ADCY1: variants seen among roughly 807,000 people sequenced by gnomAD.
The protein encoded by ADCY1 is adenylate cyclase 1.
ADCY1 carries 28 observed loss-of-function variants against 105.4 expected under a neutral mutation model. The ratio of observed to expected loss-of-function variants is 0.27; its 90% CI spans 0.20 to 0.36. ADCY1 has a LOEUF of 0.36. Ranked by LOEUF, ADCY1 falls within the 10% of genes least tolerant of loss-of-function variation. The pLI is 1.00. For missense variants in ADCY1, 977 were observed against 1,434.2 expected (o/e 0.68, Z 5.15); for synonymous variants, 655 against 623.8 (o/e 1.05, Z -0.75).
intron 14 of ADCY1, among the ~76,000 whole-genome samples, chr7:45,694,280 T>A (rs1335604556): frequency 6.6e-6 from 1 of 152,166 alleles, no homozygotes; most frequent in Non-Finnish European, 1.5e-5. Flanking sequence ...TCATACAAAG[T>A]ATGTTCCTTA....
At chr7:45,669,477 G>A (rs572456075) in intron 8 of ADCY1, among the ~76,000 whole-genome samples, 2 of 152,258 alleles carry the variant, frequency 1.3e-5, no homozygotes, top group South Asian at 2.1e-4. Flanking sequence ...TAGTTTGATT[G>A]CACTGTGGTC....
rs1459334472 is a variant in ADCY1, at chr7:45,574,726, G to A, written c.183G>A (p.Thr61=). ...GYTLRLEQAA[T]LKALAVLSLL... ...CGCTGCGGCTGGAGCAGGCGGCCAC[G>A]CTGAAGGCGCTGGCCGTTCTCAGCC... Residue 61 remains threonine, a synonymous_variant, in exon 1 of 20, where the codon ACG becomes ACA. Coordinates refer to ENST00000297323, the MANE Select transcript of ADCY1 (RefSeq NM_021116.4). The surrounding 1 kb of genome is among the most constrained non-coding windows in gnomAD (Gnocchi z 7.0). 1.4e-6 allele frequency: 2 copies of A among 1,414,182 alleles called. No homozygotes were observed. The allele number at this position is 1,414,182 out of a possible 1,614,324, so 87.6% of individuals were successfully genotyped here. A position where few individuals can be genotyped will look rare whatever the true frequency, so the allele number is the denominator to read the frequency against.
In ADCY1 at chr7:45,610,596, A is replaced by T. The variant is rs1584267778; in HGVS notation, c.908+99A>T. ...AGGTGATGACAGAAGTGGGGAAGGGATGGATGGAGGTGGGGAAAGAATGGG... is the reference window on the plus strand; with the variant it reads ...AGGTGATGACAGAAGTGGGGAAGGGTTGGATGGAGGTGGGGAAAGAATGGG... On this transcript the variant is annotated intron_variant, in intron 3 of 19. Transcript: ENST00000297323. 1.2e-5 allele frequency: 12 copies of T among 996,822 alleles called. 1 individual carries two copies. The East Asian group carries it at 2.4e-4, about 20-fold the overall frequency. The allele number at this position is 996,822 out of a possible 1,614,324, so 61.7% of individuals were successfully genotyped here.
At chr7:45,706,425 G>A (rs1441161351) in intron 17 of ADCY1, among the ~76,000 whole-genome samples, 2 of 134,944 alleles carry the variant, frequency 1.5e-5, no homozygotes, top group Non-Finnish European at 1.5e-5. Context: ...CAAAGGAGCA[G>A]TAGCAATACC....
intron 2 of ADCY1, among the ~76,000 whole-genome samples, chr7:45,597,191 C>T (rs972682100): frequency 6.6e-6 from 1 of 152,294 alleles, no homozygotes; most frequent in East Asian, 1.9e-4. Context: ...CTCATCCTGT[C>T]CCAGCTGAAC....
chr7:45,681,568 T>A (rs989752058), intron 11 of ADCY1, among the ~76,000 whole-genome samples: 1 of 152,314 alleles, frequency 6.6e-6, no homozygotes, highest in Admixed American at 6.5e-5. Flanking sequence ...GGAGACTAAG[T>A]GCCCAGACTT....
At chr7:45,656,176 G>A (rs572067676) in intron 5 of ADCY1, among the ~76,000 whole-genome samples, 50 of 152,020 alleles carry the variant, frequency 3.3e-4, no homozygotes, top group East Asian at 7.8e-4. Flanking sequence ...GGTGGTGGGC[G>A]CCTGTAGTCC....
At chr7:45,645,856 C>A (rs1384106901) in intron 4 of ADCY1, among the ~76,000 whole-genome samples, 3 of 152,064 alleles carry the variant, frequency 2.0e-5, no homozygotes, top group Non-Finnish European at 4.4e-5. Context: ...GTTCCAGCAG[C>A]CAGTGGGCAT....
At chr7:45,599,769 G>A (rs1476383753) in intron 2 of ADCY1, among the ~76,000 whole-genome samples, 2 of 152,012 alleles carry the variant, frequency 1.3e-5, no homozygotes, top group African/African-American at 4.8e-5. Context: ...TGGAATTACG[G>A]GCATGTGCCA....
intron 4 of ADCY1, among the ~76,000 whole-genome samples, chr7:45,644,424 C>G (rs1314075295): frequency 6.6e-6 from 1 of 152,236 alleles, no homozygotes; most frequent in African/African-American, 2.4e-5. Flanking sequence ...TGGCTGCCTG[C>G]TCAGTCAAGG....
At chr7:45,653,710 G>T (rs1481642553) in intron 5 of ADCY1, among the ~76,000 whole-genome samples, 3 of 152,184 alleles carry the variant, frequency 2.0e-5, no homozygotes, top group Non-Finnish European at 4.4e-5. Flanking sequence ...TTTGCTCTGT[G>T]TGAGGTCTGT....
At chr7:45,711,943 A>ATATATAAATATAT (rs561008590) in intron 19 of ADCY1, among the ~76,000 whole-genome samples, 2 of 58,472 alleles carry the variant, frequency 3.4e-5, no homozygotes, top group South Asian at 7.5e-4. Flanking sequence ...AAATATATAA[A>ATATATAAATATAT]TACATATTAT....
At chr7:45,699,328 C>T (rs564215818) in intron 14 of ADCY1, among the ~76,000 whole-genome samples, 54 of 152,296 alleles carry the variant, frequency 3.5e-4, no homozygotes, top group Admixed American at 5.9e-4. Flanking sequence ...TTTCATTCAA[C>T]GTATGTTGTC....
intron 2 of ADCY1, among the ~76,000 whole-genome samples, chr7:45,599,391 G>A (rs1192911660): frequency 1.3e-5 from 2 of 151,276 alleles, no homozygotes; most frequent in East Asian, 3.9e-4. Flanking sequence ...CTCTCCAGGA[G>A]CACTACATTG....
intron 8 of ADCY1, among the ~76,000 whole-genome samples, chr7:45,663,361 C>A (rs995407619): frequency 2.0e-5 from 3 of 152,208 alleles, no homozygotes; most frequent in African/African-American, 7.2e-5. Flanking sequence ...GAATGTCTTA[C>A]AAAGGCTCTT....
At position 45,658,022 on chromosome 7, in the gene ADCY1, C is replaced by T; in HGVS notation, c.1307+137C>T. ...TGCTCCTGGAGGAGCCTGCCTGTCC[C>T]AGCCGCACCTGCCAACCAGACTCCC... On this transcript the variant is annotated intron_variant, in intron 6 of 19. Transcript: ENST00000297323. 2.9e-6 allele frequency: 3 copies of T among 1,027,594 alleles called. No homozygotes were observed. The South Asian group carries it at 4.8e-5, about 17-fold the overall frequency. The allele number at this position is 1,027,594 out of a possible 1,614,324, so 63.7% of individuals were successfully genotyped here.
At chr7:45,579,200 G>T (rs1792445318) in intron 1 of ADCY1, among the ~76,000 whole-genome samples, 1 of 152,134 alleles carries the variant, frequency 6.6e-6, no homozygotes, top group Admixed American at 6.5e-5. Flanking sequence ...TGGCCTAGGT[G>T]TGCGCTGGTG....
intron 17 of ADCY1, among the ~76,000 whole-genome samples, chr7:45,707,963 T>C (rs1022465442): frequency 2.0e-5 from 3 of 152,242 alleles, no homozygotes; most frequent in African/African-American, 7.2e-5. Context: ...TACATGACGA[T>C]GTAGCCTCAA....
At chr7:45,694,066 G>A (rs1784832241) in intron 14 of ADCY1, among the ~76,000 whole-genome samples, 1 of 124,604 alleles carries the variant, frequency 8.0e-6, no homozygotes, top group Non-Finnish European at 1.6e-5. Context: ...GTATACATAT[G>A]TAACTAAGCT....
Sources: allele counts gnomAD v4.1 joint callset (sites outside exome capture counted in the v4.1 genomes callset), GRCh38; gene constraint gnomAD v4.1.1; non-coding constraint Gnocchi (gnomAD v3.1); transcripts MANE v1.5; gene names NCBI Gene and HGNC (gene_info 2026-07-23, HGNC 2026-07-21).